The following KSR2 variants were observed in gnomAD, a reference collection of about 807,000 sequenced individuals.
The protein encoded by KSR2 is kinase suppressor of ras 2.
In KSR2, 25 loss-of-function variants were observed where a neutral mutation model predicts 107.8. The observed-to-expected ratio is 0.23, with a 90% CI of 0.17 to 0.32. The LOEUF (loss-of-function observed/expected upper bound fraction) is 0.32, where lower values mean the gene tolerates loss of function less well. Among genes scored for constraint, KSR2 ranks in the 10% least tolerant of loss-of-function variants. The pLI is 1.00. For synonymous variants in KSR2, 480 were observed against 507.0 expected (o/e 0.95, Z 0.71); for missense variants, 887 against 1,268.9 (o/e 0.70, Z 4.57).
At chr12:117,869,818 G>C (rs921207296) in intron 1 of KSR2, among the ~76,000 whole-genome samples, 1 of 152,166 alleles carries the variant, frequency 6.6e-6, no homozygotes, top group African/African-American at 2.4e-5. Context: ...GCATTTTCAG[G>C]AATAACAGCC....
At chr12:117,658,341 T>C (rs1565947820) in intron 5 of KSR2, among the ~76,000 whole-genome samples, 1 of 152,200 alleles carries the variant, frequency 6.6e-6, no homozygotes. Context: ...TTGGAAACTA[T>C]TGCATAGTTT....
At chr12:117,916,287 C>A (rs1277658135) in intron 1 of KSR2, among the ~76,000 whole-genome samples, 1 of 151,850 alleles carries the variant, frequency 6.6e-6, no homozygotes, top group Non-Finnish European at 1.5e-5. Context: ...CAGACAGGCA[C>A]CACCACGCCT....
chr12:117,460,090 C>G lies in KSR2; in HGVS notation c.*7109G>C, dbSNP rs182792826. 4 of 152,196 alleles carry G rather than the reference C, an allele frequency of 2.6e-5. No individual in the cohort carries two copies. Among genetic ancestry groups the G allele is most frequent in the African/African-American group, 9.7e-5 (4 of 41,444 alleles). 9.4% of individuals were successfully genotyped at this position (152,196 alleles called of 1,614,324 possible). On this transcript the variant is annotated 3_prime_UTR_variant, in exon 20 of 20. Coordinates refer to ENST00000339824, the MANE Select transcript of KSR2 (RefSeq NM_173598.6). ...CTAAGCATTTCCAATGCATGCTTGT[C>G]CCAGGACCCTTTCAATAATGCAAAT...
At chr12:117,679,837 C>A (rs1176280914) in intron 4 of KSR2, among the ~76,000 whole-genome samples, 1 of 152,188 alleles carries the variant, frequency 6.6e-6, no homozygotes, top group Non-Finnish European at 1.5e-5. Flanking sequence ...CAACCAATGG[C>A]CAAATCCAGC....
chr12:117,535,604 T>TTGTGTGTGTGTGTG (rs5801239), intron 10 of KSR2, among the ~76,000 whole-genome samples: 70 of 142,324 alleles, frequency 4.9e-4, no homozygotes, highest in African/African-American at 1.8e-3. Context: ...TTTCCTGGAG[T>TTGTGTGTGTGTGTG]TGTGTGTGTG....
intron 5 of KSR2, among the ~76,000 whole-genome samples, chr12:117,655,665 C>T (rs1884120855): frequency 6.6e-6 from 1 of 152,176 alleles, no homozygotes; most frequent in Non-Finnish European, 1.5e-5. Flanking sequence ...GGAACGCTGC[C>T]ACCAGGAGAC....
At chr12:117,741,370 T>TG (rs1888216214) in intron 4 of KSR2, among the ~76,000 whole-genome samples, 1 of 150,276 alleles carries the variant, frequency 6.7e-6, no homozygotes, top group Admixed American at 6.6e-5. Context: ...AAAAAAAAAT[T>TG]TAATTAGCTG....
At chr12:117,736,796 G>C (rs1340169248) in intron 4 of KSR2, among the ~76,000 whole-genome samples, 1 of 145,676 alleles carries the variant, frequency 6.9e-6, no homozygotes, top group Non-Finnish European at 1.5e-5. Context: ...CTAGACAACA[G>C]AGCAAGACCC....
intron 9 of KSR2, among the ~76,000 whole-genome samples, chr12:117,542,577 C>T (rs908254073): frequency 6.6e-6 from 1 of 152,164 alleles, no homozygotes; most frequent in African/African-American, 2.4e-5. Context: ...CTGTTCTCTC[C>T]TCACCATCCT....
At chr12:117,926,285 G>A (rs969678379) in intron 1 of KSR2, among the ~76,000 whole-genome samples, 4 of 152,172 alleles carry the variant, frequency 2.6e-5, no homozygotes, top group Non-Finnish European at 5.9e-5. Flanking sequence ...TGAACCATGT[G>A]AACCTTCACT....
At chr12:117,791,736 C>G (rs111749728) in intron 3 of KSR2, among the ~76,000 whole-genome samples, 2 of 152,224 alleles carry the variant, frequency 1.3e-5, no homozygotes, top group African/African-American at 4.8e-5. Context: ...GTGAGACACA[C>G]AGGAGGCTGA....
intron 1 of KSR2, among the ~76,000 whole-genome samples, chr12:117,956,148 G>A (rs1316634401): frequency 6.6e-6 from 1 of 150,496 alleles, no homozygotes; most frequent in Non-Finnish European, 1.5e-5. Context: ...TACTCGGGAG[G>A]CTAAGGCAGG....
chr12:117,738,590 T>G (rs1888036359), intron 4 of KSR2, among the ~76,000 whole-genome samples: 1 of 152,008 alleles, frequency 6.6e-6, no homozygotes, highest in Non-Finnish European at 1.5e-5. Context: ...AGACAAAAAA[T>G]GTGGCTGGGC....
At chr12:117,712,615 T>C (rs751090408) in intron 4 of KSR2, among the ~76,000 whole-genome samples, 23 of 152,210 alleles carry the variant, frequency 1.5e-4, no homozygotes, top group African/African-American at 4.8e-5. Flanking sequence ...AAAATGCATT[T>C]AAAAGGCTTA....
At chr12:117,911,137 C>G (rs111550721) in intron 1 of KSR2, among the ~76,000 whole-genome samples, 4,928 of 150,918 alleles carry the variant, frequency 0.033, 257 homozygotes, top group African/African-American at 0.11. Context: ...CTCTCTCCCT[C>G]TCTCACTTGC....
chr12:117,479,076 G>A (rs1283895014), intron 16 of KSR2, among the ~76,000 whole-genome samples: 1 of 152,176 alleles, frequency 6.6e-6, no homozygotes, highest in Non-Finnish European at 1.5e-5. Context: ...GTGCTGCAGT[G>A]ACATTCACTA....
Position 117,968,322 on chromosome 12 carries a change from G to T in KSR2, c.-67C>A. On this transcript the variant is annotated 5_prime_UTR_variant, in exon 1 of 20. Transcript: ENST00000339824. ...GAGAAAAAAGAGGGGGGGGAGTAGA[G>T]GTAGTCTACCCTCCGCCTCTCCAAC... 2.1e-6 allele frequency: 3 copies of T among 1,437,200 alleles called. No individual in the cohort carries two copies. The highest frequency in any genetic ancestry group is 2.7e-6 in the Non-Finnish European group (3 of 1,104,172). The allele number at this position is 1,437,200 out of a possible 1,614,324, so 89.0% of individuals were successfully genotyped here.
intron 3 of KSR2, among the ~76,000 whole-genome samples, chr12:117,776,418 A>C (rs1889685862): frequency 6.6e-6 from 1 of 152,178 alleles, no homozygotes; most frequent in East Asian, 1.9e-4. Context: ...AATAAACCCT[A>C]TCTTAGAGTT....
At position 117,897,454 on chromosome 12, in the gene KSR2, C is replaced by T. The variant is rs1456797015; in HGVS notation, c.181-37023G>A. Among the ~76,000 whole-genome samples the T allele has an allele frequency of 6.6e-6, 1 of 152,178 alleles. No homozygotes were observed. The highest frequency in any genetic ancestry group is 1.5e-5 in the Non-Finnish European group (1 of 68,034). On this transcript the variant is annotated intron_variant, in intron 1 of 19. Coordinates refer to ENST00000339824, the MANE Select transcript of KSR2 (RefSeq NM_173598.6). The surrounding 1 kb of genome is among the most constrained non-coding windows in gnomAD (Gnocchi z 4.5). Reference sequence around the variant, plus strand: ...GCATGAAAGGTTGACTAGGAAACCACATCAGCTTTGCAGCATCCAAAAATA... The same window carrying T: ...GCATGAAAGGTTGACTAGGAAACCATATCAGCTTTGCAGCATCCAAAAATA...
Sources: gnomAD v4.1 joint callset for allele counts (sites outside exome capture counted in the v4.1 genomes callset) on GRCh38, gnomAD v4.1.1 for gene constraint, Gnocchi (gnomAD v3.1) non-coding constraint, MANE v1.5 for transcripts, NCBI Gene and HGNC (gene_info 2026-07-23, HGNC 2026-07-21) for gene names.